THSD7B: variants seen among roughly 807,000 people sequenced by gnomAD.
THSD7B encodes the protein thrombospondin type-1 domain-containing protein 7B.
Under a neutral mutation model 213.6 loss-of-function variants are expected in THSD7B, and 138 were observed. The ratio of observed to expected loss-of-function variants is 0.65; its 90% CI spans 0.56 to 0.74. The LOEUF (loss-of-function observed/expected upper bound fraction) is 0.74, where lower values mean the gene tolerates loss of function less well. Among genes scored for constraint, THSD7B ranks in the 30% least tolerant of loss-of-function variants. THSD7B has a pLI of 0.00. For missense variants in THSD7B, 1,931 were observed against 1,991.5 expected, an observed-to-expected ratio of 0.97 and a Z score of 0.58; for synonymous variants, 742 against 687.0, an observed-to-expected ratio of 1.08 and a Z score of -1.25.
intron 2 of THSD7B, among the ~76,000 whole-genome samples, chr2:136,988,676 T>G (rs1340513779): frequency 1.3e-5 from 2 of 152,206 alleles, no homozygotes; most frequent in Admixed American, 6.5e-5. Flanking sequence ...GGATTTCCAA[T>G]TTTGGGCATG....
In THSD7B at chr2:137,055,159, A is replaced by G. The variant is rs190670407; in HGVS notation, c.140-1261A>G. Among the ~76,000 whole-genome samples the G allele has an allele frequency of 1.2e-3, 189 of 152,102 alleles. 1 individual carries two copies. The highest frequency in any genetic ancestry group is 4.4e-3 in the African/African-American group (182 of 41,470). On this transcript the variant is annotated intron_variant, in intron 2 of 27. Transcript: ENST00000409968. ...GTATTCCATGGTGTACGTGTGCCAC[A>G]TTTTCTTTATCCGGTCTATAATTGA...
At position 137,493,120 on chromosome 2, in the gene THSD7B, CTCAAAAA is replaced by C. The variant is rs1466427594; in HGVS notation, c.3138+42098_3138+42104del. ...TGGGCAACAGAGTGACACTCTCTCT[CTCAAAAA>C]AAAAAAAAAAAAAAAAAAAAACAGG... On this transcript the variant is annotated intron_variant, in intron 15 of 27. Coordinates refer to ENST00000409968, the MANE Select transcript of THSD7B (RefSeq NM_001316349.2). 4.7e-3 allele frequency among the ~76,000 whole-genome samples: 117 copies of C among 24,984 alleles called. 1 individual carries two copies. The highest frequency in any genetic ancestry group is 0.026 in the Middle Eastern group (1 of 38). The allele number at this position is 24,984 out of a possible 152,430, so 16.4% of individuals were successfully genotyped here.
At chr2:136,944,709 C>G (rs1410231429) in intron 2 of THSD7B, among the ~76,000 whole-genome samples, 3 of 120,464 alleles carry the variant, frequency 2.5e-5, no homozygotes, top group Admixed American at 1.0e-4. Context: ...ATTGCAACCC[C>G]TGCTTTTTTT....
intron 20 of THSD7B, among the ~76,000 whole-genome samples, chr2:137,621,200 A>T (rs539481913): frequency 1.3e-5 from 2 of 152,298 alleles, no homozygotes; most frequent in African/African-American, 4.8e-5. Flanking sequence ...CTTTAACAGG[A>T]CCAAGTTACT....
chr2:136,958,212 C>A (rs1685157712), intron 2 of THSD7B, among the ~76,000 whole-genome samples: 1 of 152,022 alleles, frequency 6.6e-6, no homozygotes, highest in African/African-American at 2.4e-5. Context: ...TTTAAAAAAG[C>A]AAAAGTGACG....
chr2:137,176,223 G>T (rs1680354756), intron 7 of THSD7B, among the ~76,000 whole-genome samples: 1 of 152,172 alleles, frequency 6.6e-6, no homozygotes, highest in Non-Finnish European at 1.5e-5. Flanking sequence ...CTGAGGATAT[G>T]TAGGCTCTAA....
At position 137,587,213 on chromosome 2, in the gene THSD7B, T is replaced by C. The variant is rs1179279335; in HGVS notation, c.3423+14657T>C. ...AGGTCCTTTAAGGACTTCTCTACAC[T>C]GGTTATTCTAGTTAGCCATTCGTCT... On this transcript the variant is annotated intron_variant, in intron 17 of 27. Coordinates refer to ENST00000409968, the MANE Select transcript of THSD7B (RefSeq NM_001316349.2). Among the ~76,000 whole-genome samples the C allele has an allele frequency of 2.0e-5, 3 of 152,294 alleles. No homozygotes were observed. In the East Asian group the frequency reaches 5.8e-4, roughly 29 times the overall value.
At chr2:137,544,569 A>T (rs1030303030) in intron 15 of THSD7B, among the ~76,000 whole-genome samples, 6 of 151,826 alleles carry the variant, frequency 4.0e-5, no homozygotes, top group African/African-American at 1.4e-4. Context: ...TAAGTTAAAG[A>T]GTAAGTACAA....
intron 12 of THSD7B, among the ~76,000 whole-genome samples, chr2:137,393,981 G>A (rs1390211239): frequency 1.5e-5 from 2 of 136,232 alleles, no homozygotes; most frequent in African/African-American, 5.4e-5. Flanking sequence ...GTCTGTTCAT[G>A]TCCTTCACCC....
chr2:137,198,301 T>A (rs1680806204), intron 7 of THSD7B, among the ~76,000 whole-genome samples: 1 of 152,000 alleles, frequency 6.6e-6, no homozygotes, highest in African/African-American at 2.4e-5. Flanking sequence ...AACATGAGAG[T>A]GGTATTTTCT....
intron 17 of THSD7B, among the ~76,000 whole-genome samples, chr2:137,580,134 G>C (rs1459008051): frequency 6.6e-6 from 1 of 151,912 alleles, no homozygotes; most frequent in Non-Finnish European, 1.5e-5. Context: ...TGTATATGTT[G>C]ACACAAGTTC....
At position 137,405,217 on chromosome 2, in the gene THSD7B, AC is replaced by A. The variant is rs1686488544; in HGVS notation, c.2501-395del. Among the ~76,000 whole-genome samples, 3 of 143,466 alleles carry A rather than the reference AC, an allele frequency of 2.1e-5. No homozygotes were observed. In the Admixed American group the frequency reaches 2.1e-4, roughly 10 times the overall value. The allele number at this position is 143,466 out of a possible 152,430, so 94.1% of individuals were successfully genotyped here. ...AACAAGCAAAAAAAAAAAAAAAATG[AC>A]ATCTAGGAGGAGCCTAAGTGATTTT... is the stretch of plus-strand genomic sequence containing the variant. On this transcript the variant is annotated intron_variant, in intron 12 of 27. Transcript: ENST00000409968.
intron 2 of THSD7B, among the ~76,000 whole-genome samples, chr2:137,027,538 A>C (rs1423973422): frequency 6.6e-6 from 1 of 152,194 alleles, no homozygotes; most frequent in Non-Finnish European, 1.5e-5. Context: ...GCTGAAACGA[A>C]AGGTAATCCT....
intron 12 of THSD7B, among the ~76,000 whole-genome samples, chr2:137,313,040 G>A (rs1005397135): frequency 1.3e-5 from 2 of 151,048 alleles, no homozygotes; most frequent in Non-Finnish European, 3.0e-5. Context: ...GTGCAGAGCT[G>A]AGTTCAATTC....
chr2:137,325,332 T>G (rs1414898954), intron 12 of THSD7B, among the ~76,000 whole-genome samples: 1 of 152,188 alleles, frequency 6.6e-6, no homozygotes, highest in Non-Finnish European at 1.5e-5. Context: ...AAATTTTCCA[T>G]TTTATGCTTG....
intron 1 of THSD7B, among the ~76,000 whole-genome samples, chr2:136,805,424 A>G (rs976793601): frequency 6.6e-6 from 1 of 152,240 alleles, no homozygotes; most frequent in African/African-American, 2.4e-5. Context: ...GATCTGTTTC[A>G]TGAATCTAAA....
In THSD7B at chr2:137,115,157, C is replaced by A; in HGVS notation, c.1233C>A (p.Cys411Ter). The A allele has an allele frequency of 6.2e-7, 1 of 1,613,916 alleles. No homozygotes were observed. Among genetic ancestry groups the A allele is most frequent in the Non-Finnish European group, 8.5e-7 (1 of 1,179,866 alleles). ...YSWRTSEWKE[C>*]QVSLLLEQQD... Reference sequence around the variant, plus strand: ...GGAGAACTTCTGAATGGAAAGAATGCCAAGTCTCTCTCCTCCTCGAGCAGC... The same window carrying A: ...GGAGAACTTCTGAATGGAAAGAATGACAAGTCTCTCTCCTCCTCGAGCAGC... The change falls in exon 5 of 28, where the codon TGC (cysteine) becomes TGA (stop). Residue 411 changes from cysteine (C) to a stop codon, truncating the protein, a stop_gained. Coordinates refer to ENST00000409968, the MANE Select transcript of THSD7B (RefSeq NM_001316349.2). LOFTEE classifies it high-confidence loss of function.
chr2:136,887,736 A>G (rs765316843), intron 2 of THSD7B, among the ~76,000 whole-genome samples: 9 of 152,042 alleles, frequency 5.9e-5, no homozygotes, highest in Non-Finnish European at 1.3e-4. Flanking sequence ...TTTCTTTATA[A>G]ATTACCTAGT....
In THSD7B at chr2:137,230,725, G is replaced by A. The variant is rs770655830; in HGVS notation, c.1724-319G>A. Among the ~76,000 whole-genome samples, 20 of 152,134 alleles carry A rather than the reference G, an allele frequency of 1.3e-4. 1 individual carries two copies. The highest frequency in any genetic ancestry group is 2.5e-4 in the Non-Finnish European group (17 of 68,016). ...AGGTGAACGGACAGCTCTGACTTCCGTTTTGAAGAAAAGCATATACTTGTT... is the reference window on the plus strand; with the variant it reads ...AGGTGAACGGACAGCTCTGACTTCCATTTTGAAGAAAAGCATATACTTGTT... On this transcript the variant is annotated intron_variant, in intron 7 of 27. Coordinates refer to ENST00000409968, the MANE Select transcript of THSD7B (RefSeq NM_001316349.2).
Sources: allele counts gnomAD v4.1 joint callset (sites outside exome capture counted in the v4.1 genomes callset), GRCh38; gene constraint gnomAD v4.1.1; transcripts MANE v1.5; gene names NCBI Gene and HGNC (gene_info 2026-07-23, HGNC 2026-07-21).